Variants in CTNND2 observed in about 807,000 individuals in gnomAD.
CTNND2 encodes the protein catenin delta 2, also known as catenin delta-2.
A neutral mutation model predicts 144.4 loss-of-function variants in CTNND2; 22 were observed. The ratio of observed to expected loss-of-function variants is 0.15; its 90% CI spans 0.11 to 0.22. The LOEUF (loss-of-function observed/expected upper bound fraction) is 0.22, where lower values mean the gene tolerates loss of function less well. Among genes scored for constraint, CTNND2 ranks in the 10% least tolerant of loss-of-function variants. The pLI is 1.00. For missense variants in CTNND2, 1,353 were observed against 1,618.8 expected (o/e 0.84, Z 2.82); for synonymous variants, 751 against 695.6 (o/e 1.08, Z -1.25).
chr5:11,566,150 T>C (rs576847014), intron 2 of CTNND2, among the ~76,000 whole-genome samples: 1 of 152,306 alleles, frequency 6.6e-6, no homozygotes, highest in Non-Finnish European at 1.5e-5. Context: ...CTATATACAT[T>C]AAAAATATCC....
chr5:11,451,967 G>C (rs905357068), intron 3 of CTNND2, among the ~76,000 whole-genome samples: 4 of 152,186 alleles, frequency 2.6e-5, no homozygotes, highest in African/African-American at 9.6e-5. Flanking sequence ...ACTTTCCTCT[G>C]CTGTTTTCCC....
intron 1 of CTNND2, among the ~76,000 whole-genome samples, chr5:11,761,181 C>T (rs1181622488): frequency 6.6e-6 from 1 of 152,076 alleles, no homozygotes; most frequent in Non-Finnish European, 1.5e-5. Flanking sequence ...ACACGGCACC[C>T]GCATGAGGCA....
chr5:11,287,465 A>G (rs1430909843), intron 9 of CTNND2, among the ~76,000 whole-genome samples: 1 of 152,124 alleles, frequency 6.6e-6, no homozygotes, highest in Admixed American at 6.6e-5. Context: ...TTTTATATAG[A>G]CATATTTTTG....
At chr5:11,084,538 G>A (rs1749931501) in intron 15 of CTNND2, among the ~76,000 whole-genome samples, 1 of 152,166 alleles carries the variant, frequency 6.6e-6, no homozygotes, top group Admixed American at 6.5e-5. Flanking sequence ...ATGACATATT[G>A]CAAAAGGAAC....
At chr5:11,356,682 C>G (rs943484953) in intron 8 of CTNND2, among the ~76,000 whole-genome samples, 2 of 151,410 alleles carry the variant, frequency 1.3e-5, no homozygotes, top group African/African-American at 4.9e-5. Flanking sequence ...GTAGCAAAAC[C>G]AAAAATAGAC....
chr5:11,464,787 T>C (rs936360362), intron 3 of CTNND2, among the ~76,000 whole-genome samples: 18 of 152,154 alleles, frequency 1.2e-4, no homozygotes, highest in Admixed American at 1.1e-3. Flanking sequence ...TTGGGTAGAA[T>C]ATGGGGTTTA....
intron 7 of CTNND2, among the ~76,000 whole-genome samples, chr5:11,381,641 T>C (rs1198868643): frequency 6.6e-6 from 1 of 152,206 alleles, no homozygotes; most frequent in African/African-American, 2.4e-5. Context: ...AAGTACTGTG[T>C]ACTAACTAAT....
At chr5:11,493,003 CA>C (rs1769590144) in intron 3 of CTNND2, among the ~76,000 whole-genome samples, 1 of 152,038 alleles carries the variant, frequency 6.6e-6, no homozygotes. Flanking sequence ...ACCTGGGAAG[CA>C]GAGGGAAGAT....
chr5:11,641,884 T>C (rs1323014431), intron 2 of CTNND2, among the ~76,000 whole-genome samples: 1 of 151,448 alleles, frequency 6.6e-6, no homozygotes, highest in Non-Finnish European at 1.5e-5. Flanking sequence ...ACTCACAAGG[T>C]TATTAAAAGG....
chr5:11,866,921 C>T lies in CTNND2; in HGVS notation c.37+36896G>A, dbSNP rs192762877. 3.9e-5 allele frequency among the ~76,000 whole-genome samples: 6 copies of T among 152,304 alleles called. No homozygotes were observed. In the South Asian group the frequency reaches 6.2e-4, roughly 16 times the overall value. On this transcript the variant is annotated intron_variant, in intron 1 of 21. Transcript: ENST00000304623. ...ACACTGCCTCCCTGACACCTTATCACGAGCAGTAGATAAGCTGTAACAATT... is the reference window on the plus strand; with the variant it reads ...ACACTGCCTCCCTGACACCTTATCATGAGCAGTAGATAAGCTGTAACAATT...
At chr5:11,401,304 T>G (rs1760631397) in intron 5 of CTNND2, among the ~76,000 whole-genome samples, 1 of 152,222 alleles carries the variant, frequency 6.6e-6, no homozygotes, top group Non-Finnish European at 1.5e-5. Context: ...TAAAGAGACT[T>G]TATTTGGAAT....
chr5:11,903,565 A>AGTGC lies in CTNND2; in HGVS notation c.37+251_37+252insGCAC, dbSNP rs992027126. ...GGGGAGATGGGTGGCAGGGAGGGGG[A>AGTGC]GCACGCAGGGCAGCCACTTGGTAAC... On this transcript the variant is annotated intron_variant, in intron 1 of 21. Transcript: ENST00000304623. The surrounding 1 kb of genome is among the most constrained non-coding windows in gnomAD (Gnocchi z 5.4). Among the ~76,000 whole-genome samples the AGTGC allele has an allele frequency of 6.6e-6, 1 of 151,826 alleles. No individual in the cohort carries two copies. Among genetic ancestry groups the AGTGC allele is most frequent in the Non-Finnish European group, 1.5e-5 (1 of 67,978 alleles).
chr5:11,790,913 C>A (rs1302354993), intron 1 of CTNND2, among the ~76,000 whole-genome samples: 2 of 152,082 alleles, frequency 1.3e-5, no homozygotes, highest in Non-Finnish European at 2.9e-5. Flanking sequence ...TGAACATGAT[C>A]TTATTCAGAC....
intron 15 of CTNND2, chr5:11,083,754 G>A (rs1561277878): frequency 7.9e-6 from 2 of 254,384 alleles, no homozygotes; most frequent in Non-Finnish European, 6.5e-6. Flanking sequence ...TTACATTCAC[G>A]CAATGAGGCT....
Position 11,364,238 on chromosome 5 carries a change from T to C in CTNND2, c.1372+458A>G, listed in dbSNP as rs557452329. On this transcript the variant is annotated intron_variant, in intron 8 of 21. Coordinates refer to ENST00000304623, the MANE Select transcript of CTNND2 (RefSeq NM_001332.4). ...AATCTATTAGTGTATATGAAATAAATTGTCTGCCTTTCAAAATATGCTACA... is the reference window on the plus strand; with the variant it reads ...AATCTATTAGTGTATATGAAATAAACTGTCTGCCTTTCAAAATATGCTACA... 2.0e-5 allele frequency among the ~76,000 whole-genome samples: 3 copies of C among 152,336 alleles called. No homozygotes were observed. The East Asian group carries it at 5.8e-4, about 29-fold the overall frequency.
intron 9 of CTNND2, among the ~76,000 whole-genome samples, chr5:11,243,687 CTGAGT>C (rs1251340503): frequency 6.6e-6 from 1 of 152,198 alleles, no homozygotes. Context: ...CATGGGCTAT[CTGAGT>C]TGTTAAAATC....
chr5:11,210,979 C>T (rs1738568671), intron 10 of CTNND2, among the ~76,000 whole-genome samples: 2 of 152,110 alleles, frequency 1.3e-5, no homozygotes, highest in Admixed American at 1.3e-4. Flanking sequence ...CTGGAGGCGG[C>T]TTTACTGAAA....
At chr5:11,450,024 T>C (rs774630814) in intron 3 of CTNND2, among the ~76,000 whole-genome samples, 1 of 152,258 alleles carries the variant, frequency 6.6e-6, no homozygotes, top group Non-Finnish European at 1.5e-5. Context: ...AGAATTAGAA[T>C]AAACTGAGTG....
chr5:11,644,673 CAAA>C (rs202244691), intron 2 of CTNND2, among the ~76,000 whole-genome samples: 3 of 114,274 alleles, frequency 2.6e-5, no homozygotes, highest in African/African-American at 3.1e-5. Flanking sequence ...GACTCCATCT[CAAA>C]AAAAAAAAAA....
Sources: gnomAD v4.1 joint callset for allele counts (sites outside exome capture counted in the v4.1 genomes callset) on GRCh38, gnomAD v4.1.1 for gene constraint, Gnocchi (gnomAD v3.1) non-coding constraint, MANE v1.5 for transcripts, NCBI Gene and HGNC (gene_info 2026-07-23, HGNC 2026-07-21) for gene names.